Variants in RGS5 observed in about 807,000 individuals in gnomAD.
RGS5 encodes the protein regulator of G protein signaling 5.
Under a neutral mutation model 18.9 loss-of-function variants are expected in RGS5, and 20 were observed. That is an observed-to-expected ratio of 1.06 (90% CI 0.74 to 1.54). The LOEUF (loss-of-function observed/expected upper bound fraction) is 1.54. Ranked by LOEUF, RGS5 falls within the 40% of genes most tolerant of loss-of-function variation. The pLI is 0.00. For synonymous variants in RGS5, 57 were observed against 76.2 expected (o/e 0.75, Z 1.31); for missense variants, 201 against 211.8 (o/e 0.95, Z 0.32).
Position 163,186,286 on chromosome 1 carries a change from G to T in RGS5, c.44+16506C>A, listed in dbSNP as rs1360146727. The stretch of plus-strand genomic sequence containing the variant: ...GGGTTTCACCATGTTGGTCAGGCTG[G>T]TCTTGAACTCCTTACCTCGTGATCT... On this transcript the variant is annotated intron_variant, in intron 1 of 4. Transcript: ENST00000313961. Among the ~76,000 whole-genome samples, 7 of 151,956 alleles carry T rather than the reference G, an allele frequency of 4.6e-5. No homozygotes were observed. In the East Asian group the frequency reaches 1.4e-3, roughly 29 times the overall value.
chr1:163,219,605 T>G (rs1284155159), upstream of RGS5, among the ~76,000 whole-genome samples: 1 of 152,190 alleles, frequency 6.6e-6, no homozygotes, highest in Non-Finnish European at 1.5e-5. Flanking sequence ...AGAGGCTACA[T>G]GATATGTAGA....
At chr1:163,239,915 A>G (rs1259027559) in intron 2 of RGS5, among the ~76,000 whole-genome samples, 1 of 152,218 alleles carries the variant, frequency 6.6e-6, no homozygotes, top group African/African-American at 2.4e-5. Context: ...ATTAATTTCA[A>G]TTGAGATAAC....
At chr1:163,283,513 C>A (rs1350840615) in intron 2 of RGS5, among the ~76,000 whole-genome samples, 1 of 152,112 alleles carries the variant, frequency 6.6e-6, no homozygotes, top group Non-Finnish European at 1.5e-5. Context: ...TAAGGTATCT[C>A]CCCTATCATT....
intron 2 of RGS5, among the ~76,000 whole-genome samples, chr1:163,286,835 C>G (rs1211528076): frequency 2.0e-5 from 3 of 151,758 alleles, no homozygotes. Flanking sequence ...GTTTTTGTTC[C>G]TTTGAGAGGG....
chr1:163,312,101 G>T (rs1281766132), intron 1 of RGS5, among the ~76,000 whole-genome samples: 1 of 152,228 alleles, frequency 6.6e-6, no homozygotes, highest in East Asian at 1.9e-4. Flanking sequence ...GATCACGGGG[G>T]TGGTTTCCTC....
At chr1:163,153,859 A>C (rs185537524) in intron 3 of RGS5, among the ~76,000 whole-genome samples, 42 of 152,144 alleles carry the variant, frequency 2.8e-4, no homozygotes, top group Non-Finnish European at 4.3e-4. Context: ...AATTCTAAAC[A>C]ATGTATGGCT....
At chr1:163,231,167 C>G (rs1647471117) in intron 2 of RGS5, among the ~76,000 whole-genome samples, 1 of 152,148 alleles carries the variant, frequency 6.6e-6, no homozygotes, top group Admixed American at 6.5e-5. Context: ...ACTTTTCCCA[C>G]ATTTTTCTCT....
chr1:163,268,747 C>A (rs1311178452), intron 2 of RGS5, among the ~76,000 whole-genome samples: 6 of 152,126 alleles, frequency 3.9e-5, no homozygotes, highest in Admixed American at 3.9e-4. Context: ...CCTGAGAAAA[C>A]ACCAGTAAAG....
chr1:163,286,332 A>G (rs1353491746), intron 2 of RGS5, among the ~76,000 whole-genome samples: 1 of 152,126 alleles, frequency 6.6e-6, no homozygotes, highest in Non-Finnish European at 1.5e-5. Context: ...CTCGGGGAGT[A>G]GGGAGTAGGG....
intron 2 of RGS5, among the ~76,000 whole-genome samples, chr1:163,287,140 A>G (rs909229287): frequency 1.9e-4 from 29 of 152,224 alleles, no homozygotes; most frequent in African/African-American, 6.8e-4. Flanking sequence ...TATGTATGCC[A>G]AAGTTTTCCT....
intron 1 of RGS5, among the ~76,000 whole-genome samples, chr1:163,188,154 T>C (rs1031046414): frequency 6.6e-6 from 1 of 152,116 alleles, no homozygotes; most frequent in Non-Finnish European, 1.5e-5. Flanking sequence ...GAGTTATCAA[T>C]GGAGTTTAGA....
At position 163,144,305 on chromosome 1, in the gene RGS5, C is replaced by T. The variant is rs1482547789; in HGVS notation, c.*3037G>A. ...CTTTAACAAATAAACATGGAACATA[C>T]GTCCTTAATTAACTGTGGAGTTAAT... On this transcript the variant is annotated 3_prime_UTR_variant, in exon 5 of 5. Coordinates refer to ENST00000313961, the MANE Select transcript of RGS5 (RefSeq NM_003617.4). 1.3e-5 allele frequency: 2 copies of T among 152,064 alleles called. No individual in the cohort carries two copies. The highest frequency in any genetic ancestry group is 2.9e-5 in the Non-Finnish European group (2 of 68,008). 9.4% of individuals were successfully genotyped at this position (152,064 alleles called of 1,614,324 possible). A position where few individuals can be genotyped will look rare whatever the true frequency, so the allele number is the denominator to read the frequency against.
At chr1:163,165,610 G>A (rs888626316) in intron 2 of RGS5, among the ~76,000 whole-genome samples, 1 of 152,118 alleles carries the variant, frequency 6.6e-6, no homozygotes, top group Non-Finnish European at 1.5e-5. Flanking sequence ...AGAGTTTTAA[G>A]AGTAGGTCAA....
chr1:163,285,378 A>C (rs949954292), intron 2 of RGS5, among the ~76,000 whole-genome samples: 1 of 152,006 alleles, frequency 6.6e-6, no homozygotes, highest in African/African-American at 2.4e-5. Context: ...AACATGGTGA[A>C]ACCCTGTCTC....
intron 2 of RGS5, among the ~76,000 whole-genome samples, chr1:163,235,700 G>C (rs537148215): frequency 6.6e-6 from 1 of 152,328 alleles, no homozygotes; most frequent in East Asian, 1.9e-4. Flanking sequence ...CCTGTAGAAA[G>C]TTAGAAGCCA....
chr1:163,192,658 G>A (rs891218797), intron 1 of RGS5, among the ~76,000 whole-genome samples: 1 of 152,198 alleles, frequency 6.6e-6, no homozygotes, highest in Admixed American at 6.5e-5. Context: ...GTATATGTGT[G>A]TAAGTGTGTA....
intron 2 of RGS5, among the ~76,000 whole-genome samples, chr1:163,249,103 T>C (rs1024620650): frequency 2.6e-5 from 4 of 152,192 alleles, no homozygotes; most frequent in Non-Finnish European, 5.9e-5. Context: ...AGTTACCCTA[T>C]AGGGCATGAG....
Position 163,144,821 on chromosome 1 carries a change from T to C in RGS5, c.*2521A>G, listed in dbSNP as rs1657067790. ...AAGTTTCCAAAAACTTTCAGAAGTGTTCAAAGAAATTTTCTTGAACAATTT... is the reference window on the plus strand; with the variant it reads ...AAGTTTCCAAAAACTTTCAGAAGTGCTCAAAGAAATTTTCTTGAACAATTT... On this transcript the variant is annotated 3_prime_UTR_variant, in exon 5 of 5. Coordinates refer to ENST00000313961, the MANE Select transcript of RGS5 (RefSeq NM_003617.4). 1 of 152,630 alleles carries C rather than the reference T, an allele frequency of 6.6e-6. No individual in the cohort carries two copies. Among genetic ancestry groups the C allele is most frequent in the Non-Finnish European group, 1.5e-5 (1 of 68,026 alleles). 9.5% of individuals were successfully genotyped at this position (152,630 alleles called of 1,614,324 possible). A position where few individuals can be genotyped will look rare whatever the true frequency, so the allele number is the denominator to read the frequency against.
At chr1:163,265,432 G>C (rs890075564) in intron 2 of RGS5, among the ~76,000 whole-genome samples, 3 of 151,980 alleles carry the variant, frequency 2.0e-5, no homozygotes, top group African/African-American at 7.2e-5. Context: ...AGTCTTGTAA[G>C]GCAACTTGTA....
Sources: gnomAD v4.1 joint callset for allele counts (sites outside exome capture counted in the v4.1 genomes callset) on GRCh38, gnomAD v4.1.1 for gene constraint, MANE v1.5 for transcripts, NCBI Gene and HGNC (gene_info 2026-07-23, HGNC 2026-07-21) for gene names.